Variants in KLF7 observed in about 807,000 individuals in gnomAD.
KLF7 encodes the protein KLF transcription factor 7.
In KLF7, 2 loss-of-function variants were observed where a neutral mutation model predicts 27.3. That is an observed-to-expected ratio of 0.07 (90% confidence interval 0.03 to 0.23). The LOEUF (loss-of-function observed/expected upper bound fraction) is 0.23, where lower values mean the gene tolerates loss of function less well. Ranked by LOEUF, KLF7 falls within the 10% of genes least tolerant of loss-of-function variation. The probability of loss-of-function intolerance (pLI) is 1.00; values close to 1 mark genes in which losing one functional copy is unlikely to be tolerated. For synonymous variants in KLF7, 165 were observed against 162.4 expected, an observed-to-expected ratio of 1.02 and a Z score of -0.12; for missense variants, 221 against 394.1, an observed-to-expected ratio of 0.56 and a Z score of 3.72.
chr2:207,165,203 C>A (rs1397913751), intron 1 of KLF7, among the ~76,000 whole-genome samples: 1 of 152,126 alleles, frequency 6.6e-6, no homozygotes, highest in Non-Finnish European at 1.5e-5. Context: ...AACCCGACAA[C>A]GTGTGCGCAG....
In KLF7 at chr2:207,096,432, G is replaced by A. The variant is rs142845090; in HGVS notation, c.734-7851C>T. On this transcript the variant is annotated intron_variant, in intron 2 of 3. Transcript: ENST00000309446. Reference sequence around the variant, plus strand: ...TCCGAGTTCCCATCTCAGACCTTGCGTATCAGAATCTGTTTTTAGCATCTC... The same window carrying A: ...TCCGAGTTCCCATCTCAGACCTTGCATATCAGAATCTGTTTTTAGCATCTC... Among the ~76,000 whole-genome samples, 26 of 152,298 alleles carry A rather than the reference G, an allele frequency of 1.7e-4. 1 individual carries two copies. In the East Asian group the frequency reaches 4.4e-3, roughly 26 times the overall value.
intron 2 of KLF7, among the ~76,000 whole-genome samples, chr2:207,116,566 C>T (rs189148969): frequency 7.2e-5 from 11 of 152,308 alleles, no homozygotes; most frequent in African/African-American, 2.6e-4. Context: ...ACATAGCTTT[C>T]CTTGAACCTT....
intron 2 of KLF7, among the ~76,000 whole-genome samples, chr2:207,096,225 T>C (rs1450636867): frequency 1.3e-5 from 2 of 152,152 alleles, no homozygotes; most frequent in Non-Finnish European, 2.9e-5. Context: ...GTACTCCACC[T>C]TTGTGGAATC....
At chr2:207,112,983 A>G (rs1359895354) in intron 2 of KLF7, among the ~76,000 whole-genome samples, 3 of 152,238 alleles carry the variant, frequency 2.0e-5, no homozygotes, top group Non-Finnish European at 2.9e-5. Flanking sequence ...CCATAATAGG[A>G]AAGTCAAGGG....
intron 1 of KLF7, among the ~76,000 whole-genome samples, chr2:207,163,884 G>A (rs979955346): frequency 6.6e-6 from 1 of 152,250 alleles, no homozygotes; most frequent in Non-Finnish European, 1.5e-5. Flanking sequence ...AAGATCCAGT[G>A]AGACCCTTCA....
chr2:207,134,228 A>C (rs2077721028), intron 1 of KLF7: 1 of 1,021,596 alleles, frequency 9.8e-7, no homozygotes, highest in Non-Finnish European at 1.4e-6. Context: ...TCTCCTTCTC[A>C]GTTGGGTTAA....
rs761636754 is a variant in KLF7 at position 207,124,096 on chromosome 2, C to T, written c.411G>A (p.Thr137=). 3 of 1,614,060 alleles carry T rather than the reference C, an allele frequency of 1.9e-6. No individual in the cohort carries two copies. The highest frequency in any genetic ancestry group is 4.5e-5 in the East Asian group (2 of 44,866). Reference sequence around the variant, plus strand: ...GGCTGAGCTCAGGGGACGATGGGGGCGTTAATGAGGTCACTGCGTTGAGCT... The same window carrying T: ...GGCTGAGCTCAGGGGACGATGGGGGTGTTAATGAGGTCACTGCGTTGAGCT... ...QAQLNAVTSL[T]PPSSPELSRH... Residue 137 remains threonine, a synonymous_variant, in exon 2 of 4, where the codon ACG becomes ACA. Coordinates refer to ENST00000309446, the MANE Select transcript of KLF7 (RefSeq NM_003709.4).
At chr2:207,107,815 C>T (rs559809858) in intron 2 of KLF7, among the ~76,000 whole-genome samples, 1 of 152,210 alleles carries the variant, frequency 6.6e-6, no homozygotes, top group African/African-American at 2.4e-5. Context: ...CCTCTCAAAC[C>T]GTGTCAAAAC....
At chr2:207,132,970 G>C (rs148777505) in intron 1 of KLF7, among the ~76,000 whole-genome samples, 1 of 152,362 alleles carries the variant, frequency 6.6e-6, no homozygotes, top group East Asian at 1.9e-4. Context: ...ATACTGACTG[G>C]GAGTCTGTTG....
At chr2:207,081,852 CAAAA>C (rs35500565) in intron 3 of KLF7, among the ~76,000 whole-genome samples, 5 of 107,708 alleles carry the variant, frequency 4.6e-5, no homozygotes, top group South Asian at 3.1e-4. Flanking sequence ...ATATTCAAGT[CAAAA>C]AAAAAAAAAA....
chr2:207,081,812 G>GAT (rs1332491601), intron 3 of KLF7, among the ~76,000 whole-genome samples: 1 of 142,584 alleles, frequency 7.0e-6, no homozygotes. Flanking sequence ...TACTGCTTGT[G>GAT]ATACTACTTA....
chr2:207,170,649 T>C (rs528864853), upstream of KLF7, among the ~76,000 whole-genome samples: 23 of 152,302 alleles, frequency 1.5e-4, no homozygotes, highest in Admixed American at 2.6e-4. Flanking sequence ...ATTTTGAAAG[T>C]TGTAGGGCCC....
Position 207,075,827 on chromosome 2 carries a change from T to TA in KLF7, c.*5385dup, listed in dbSNP as rs1312312587. The stretch of plus-strand genomic sequence containing the variant: ...GAAGTGAAAGATAAGGAAATTAAAC[T>TA]AAGTCTGGGTTTAGATAGGAAATGC... On this transcript the variant is annotated 3_prime_UTR_variant, in exon 4 of 4. Coordinates refer to ENST00000309446, the MANE Select transcript of KLF7 (RefSeq NM_003709.4). 4.6e-5 allele frequency: 7 copies of TA among 152,084 alleles called. No individual in the cohort carries two copies. The highest frequency in any genetic ancestry group is 6.5e-5 in the Admixed American group (1 of 15,272). 9.4% of individuals were successfully genotyped at this position (152,084 alleles called of 1,614,324 possible).
At chr2:207,166,996 G>A (rs1471685634), upstream of KLF7, 9 of 834,100 alleles carry the variant, frequency 1.1e-5, no homozygotes, top group East Asian at 3.0e-4. Context: ...CGAGAGACCT[G>A]GTCGGGAGTC....
chr2:207,160,124 A>G (rs1385525866), intron 1 of KLF7, among the ~76,000 whole-genome samples: 1 of 152,244 alleles, frequency 6.6e-6, no homozygotes, highest in African/African-American at 2.4e-5. Flanking sequence ...ATGAATAATT[A>G]GACACTATAA....
At chr2:207,149,319 T>C in intron 1 of KLF7, 1 of 390,240 alleles carries the variant, frequency 2.6e-6, no homozygotes, top group East Asian at 8.0e-5. Flanking sequence ...CTAGCACTTA[T>C]CACTGCTGAG....
chr2:207,172,235 G>A (rs775923005), upstream of KLF7, among the ~76,000 whole-genome samples: 2 of 152,074 alleles, frequency 1.3e-5, no homozygotes, highest in Non-Finnish European at 2.9e-5. Flanking sequence ...GAAGACCTTC[G>A]TGTGACAGGT....
chr2:207,142,175 T>C (rs954732988), intron 1 of KLF7, among the ~76,000 whole-genome samples: 1 of 152,184 alleles, frequency 6.6e-6, no homozygotes, highest in African/African-American at 2.4e-5. Flanking sequence ...CTTCAATGAA[T>C]TTTTTAAAAA....
chr2:207,141,788 G>C (rs2077949974), intron 1 of KLF7, among the ~76,000 whole-genome samples: 1 of 152,072 alleles, frequency 6.6e-6, no homozygotes, highest in South Asian at 2.1e-4. Flanking sequence ...GCATATTTGG[G>C]CAGTTCTTTC....
Sources: gnomAD v4.1 joint callset for allele counts (sites outside exome capture counted in the v4.1 genomes callset) on GRCh38, gnomAD v4.1.1 for gene constraint, MANE v1.5 for transcripts, NCBI Gene and HGNC (gene_info 2026-07-23, HGNC 2026-07-21) for gene names.